The following PPARGC1A variants were observed in gnomAD, a reference collection of about 807,000 sequenced individuals.
The protein encoded by PPARGC1A is PPARG coactivator 1 alpha, also known as peroxisome proliferator-activated receptor gamma coactivator 1-alpha.
A neutral mutation model predicts 88.7 loss-of-function variants in PPARGC1A; 25 were observed. The observed-to-expected ratio is 0.28, with a 90% CI of 0.21 to 0.39. PPARGC1A has a LOEUF of 0.39. Ranked by LOEUF, PPARGC1A falls within the 10% of genes least tolerant of loss-of-function variation. PPARGC1A has a pLI of 1.00. For synonymous variants in PPARGC1A, 363 were observed against 355.6 expected, an observed-to-expected ratio of 1.02 and a Z score of -0.24; for missense variants, 880 against 968.7, an observed-to-expected ratio of 0.91 and a Z score of 1.22.
At chr4:24,444,679 C>T in the PPARGC1A span, among the ~76,000 whole-genome samples, 3 of 152,120 alleles carry the variant, frequency 2.0e-5, no homozygotes, top group Non-Finnish European at 4.4e-5. Flanking sequence ...TAGCAAAGAC[C>T]ACCTTAAACT....
chr4:24,266,789 G>A, the PPARGC1A span, among the ~76,000 whole-genome samples: 14 of 151,976 alleles, frequency 9.2e-5, no homozygotes, highest in Non-Finnish European at 5.9e-5. Context: ...TAGAATAAGC[G>A]GCCATCTTCC....
At chr4:23,984,047 A>C in the PPARGC1A span, among the ~76,000 whole-genome samples, 9 of 152,100 alleles carry the variant, frequency 5.9e-5, no homozygotes, top group Non-Finnish European at 1.0e-4. Context: ...CAATTTATGT[A>C]TGTGTATTTT....
chr4:24,370,781 T>TA, the PPARGC1A span, among the ~76,000 whole-genome samples: 1 of 127,140 alleles, frequency 7.9e-6, no homozygotes, highest in Non-Finnish European at 1.7e-5. Context: ...TTTTTTTTTT[T>TA]ACTTTAAGTT....
At chr4:24,306,953 A>G in the PPARGC1A span, among the ~76,000 whole-genome samples, 126 of 152,352 alleles carry the variant, frequency 8.3e-4, no homozygotes, top group Non-Finnish European at 1.4e-3. Flanking sequence ...GGGTACTGAA[A>G]AATTGAATCG....
chr4:23,952,028 G>C, the PPARGC1A span, among the ~76,000 whole-genome samples: 1 of 151,890 alleles, frequency 6.6e-6, no homozygotes, highest in Non-Finnish European at 1.5e-5. Context: ...CCTGGCCCAC[G>C]GTCACTCTGT....
At chr4:24,406,766 G>T in the PPARGC1A span, among the ~76,000 whole-genome samples, 1 of 152,154 alleles carries the variant, frequency 6.6e-6, no homozygotes, top group Non-Finnish European at 1.5e-5. Flanking sequence ...GCATGAAAAG[G>T]CAGAGAACAA....
intron 2 of PPARGC1A, among the ~76,000 whole-genome samples, chr4:23,861,748 G>A (rs1731258677): frequency 6.6e-6 from 1 of 152,176 alleles, no homozygotes; most frequent in African/African-American, 2.4e-5. Context: ...ACTAAAGGAA[G>A]GGGAATGATC....
chr4:24,139,427 C>A, the PPARGC1A span, among the ~76,000 whole-genome samples: 11 of 152,088 alleles, frequency 7.2e-5, no homozygotes, highest in Non-Finnish European at 1.6e-4. Flanking sequence ...ACAATTTTTG[C>A]TGAATAGCTG....
the PPARGC1A span, among the ~76,000 whole-genome samples, chr4:24,283,506 A>T: frequency 4.6e-5 from 7 of 152,208 alleles, no homozygotes; most frequent in African/African-American, 9.6e-5. Context: ...TTTAAGCATT[A>T]GTAGTAGGCA....
At chr4:24,255,118 A>G in the PPARGC1A span, among the ~76,000 whole-genome samples, 1 of 152,202 alleles carries the variant, frequency 6.6e-6, no homozygotes, top group East Asian at 1.9e-4. Context: ...ATTCAAATAA[A>G]TATAGTGTAA....
the PPARGC1A span, among the ~76,000 whole-genome samples, chr4:24,047,698 C>T: frequency 2.6e-5 from 4 of 152,152 alleles, no homozygotes; most frequent in African/African-American, 4.8e-5. Context: ...TCTCAGCCAA[C>T]AGCAGAAAAG....
the PPARGC1A span, among the ~76,000 whole-genome samples, chr4:24,148,789 A>G: frequency 6.6e-6 from 1 of 152,224 alleles, no homozygotes; most frequent in Non-Finnish European, 1.5e-5. Flanking sequence ...AAAGGTTTCT[A>G]TCATGTAGAC....
the PPARGC1A span, among the ~76,000 whole-genome samples, chr4:24,231,737 C>A: frequency 6.7e-6 from 1 of 149,324 alleles, no homozygotes; most frequent in Admixed American, 6.7e-5. Flanking sequence ...GGGATATGTG[C>A]TTTTTTTTTT....
chr4:24,418,663 A>G, the PPARGC1A span, among the ~76,000 whole-genome samples: 25 of 152,218 alleles, frequency 1.6e-4, no homozygotes, highest in African/African-American at 5.5e-4. Flanking sequence ...ACCCATTTCA[A>G]AGATCTATTC....
At chr4:24,272,334 G>A in the PPARGC1A span, among the ~76,000 whole-genome samples, 3 of 152,020 alleles carry the variant, frequency 2.0e-5, no homozygotes, top group Admixed American at 1.3e-4. Flanking sequence ...TGGCCTTTAA[G>A]TATGGATCCA....
At chr4:23,972,126 T>A in the PPARGC1A span, among the ~76,000 whole-genome samples, 1 of 152,182 alleles carries the variant, frequency 6.6e-6, no homozygotes, top group Non-Finnish European at 1.5e-5. Context: ...ATAAAGGCAC[T>A]GACATTTAAA....
At position 23,849,015 on chromosome 4, in the gene PPARGC1A, G is replaced by A. The variant is rs1227344146; in HGVS notation, c.235-17264C>T. Among the ~76,000 whole-genome samples, 6 of 152,190 alleles carry A rather than the reference G, an allele frequency of 3.9e-5. No homozygotes were observed. The East Asian group carries it at 1.2e-3, about 30-fold the overall frequency. Reference sequence around the variant, plus strand: ...AAAATTTAGCCGGGCGTGGTAGCGGGCGCCTGTACTCCCAGCTACTCGGGA... The same window carrying A: ...AAAATTTAGCCGGGCGTGGTAGCGGACGCCTGTACTCCCAGCTACTCGGGA... On this transcript the variant is annotated intron_variant, in intron 2 of 12. Coordinates refer to ENST00000264867, the MANE Select transcript of PPARGC1A (RefSeq NM_013261.5).
the PPARGC1A span, among the ~76,000 whole-genome samples, chr4:24,057,456 TAAAA>T: frequency 0.33 from 45,871 of 139,440 alleles, 7,460 homozygotes; most frequent in East Asian, 0.52. Context: ...TAAGATGGTT[TAAAA>T]AAAAAAAAAA....
At chr4:24,255,777 G>A in the PPARGC1A span, among the ~76,000 whole-genome samples, 2 of 152,218 alleles carry the variant, frequency 1.3e-5, no homozygotes, top group African/African-American at 4.8e-5. Context: ...CTGGTATTTG[G>A]ATATCAGTTT....
Sources: allele counts gnomAD v4.1 joint callset (sites outside exome capture counted in the v4.1 genomes callset), GRCh38; gene constraint gnomAD v4.1.1; transcripts MANE v1.5; gene names NCBI Gene and HGNC (gene_info 2026-07-23, HGNC 2026-07-21).